The following ABCC1 variants were observed in gnomAD, a reference collection of about 807,000 sequenced individuals.
The protein encoded by ABCC1 is ATP binding cassette subfamily C member 1 (ABCC1 blood group).
A neutral mutation model predicts 172.9 loss-of-function variants in ABCC1; 83 were observed. That is an observed-to-expected ratio of 0.48 (90% confidence interval 0.40 to 0.58). The LOEUF is 0.58. ABCC1 is among the 20% of genes least tolerant of loss of function. The pLI, the probability that ABCC1 is intolerant of heterozygous loss-of-function variation, is 0.00. For missense variants in ABCC1, 1,817 were observed against 2,002.7 expected (o/e 0.91, Z 1.77); for synonymous variants, 937 against 825.2 (o/e 1.14, Z -2.32).
At chr16:16,070,450 G>A (rs1453952311) in intron 13 of ABCC1, among the ~76,000 whole-genome samples, 1 of 152,164 alleles carries the variant, frequency 6.6e-6, no homozygotes, top group Non-Finnish European at 1.5e-5. Flanking sequence ...GGATCATGAG[G>A]TCAGGAGATG....
intron 11 of ABCC1, among the ~76,000 whole-genome samples, chr16:16,054,511 A>C (rs1333583680): frequency 6.6e-6 from 1 of 152,070 alleles, no homozygotes; most frequent in East Asian, 1.9e-4. Flanking sequence ...TGGAATTTCA[A>C]ATGGGAGCAC....
In ABCC1 at chr16:16,133,561, G is replaced by A. The variant is rs147199965; in HGVS notation, c.3967-789G>A. Among the ~76,000 whole-genome samples, 4 of 152,042 alleles carry A rather than the reference G, an allele frequency of 2.6e-5. 1 individual carries two copies. Among genetic ancestry groups the A allele is most frequent in the East Asian group, 1.9e-4 (1 of 5,168 alleles). ...TGGGACTACAGGTGCATGCCACCAC[G>A]CCCAGCTAATTTTTGTAGTTTTAGT... On this transcript the variant is annotated intron_variant, in intron 27 of 30. Transcript: ENST00000399410.
chr16:16,083,581 C>T (rs763554717), intron 17 of ABCC1, 39 bp downstream of exon 17: 1 of 1,588,180 alleles, frequency 6.3e-7, no homozygotes, highest in Non-Finnish European at 8.6e-7. Flanking sequence ...AATCAGTCAG[C>T]TGTTGCCGCG....
At chr16:15,949,596 C>T (rs1358841110), upstream of ABCC1, 11 of 305,342 alleles carry the variant, frequency 3.6e-5, no homozygotes, top group Admixed American at 1.4e-4. Context: ...GTTGCGGCCC[C>T]GGCCCCGGCT....
rs764527261 is a variant in ABCC1, at chr16:16,103,579, C to CA, written c.2735+868dup. Among the ~76,000 whole-genome samples the CA allele has an allele frequency of 9.9e-5, 15 of 151,978 alleles. No individual in the cohort carries two copies. In the East Asian group the frequency reaches 2.1e-3, roughly 22 times the overall value. On this transcript the variant is annotated intron_variant, in intron 20 of 30. Coordinates refer to ENST00000399410, the MANE Select transcript of ABCC1 (RefSeq NM_004996.4). ...TGGGTGACAGAGCGAGACTCCATCTCAAAAAACAAAAACAAAACAAAACAG... is the reference window on the plus strand; with the variant it reads ...TGGGTGACAGAGCGAGACTCCATCTCAAAAAAACAAAAACAAAACAAAACAG...
At chr16:16,140,707 G>A (rs531272047) in intron 30 of ABCC1, among the ~76,000 whole-genome samples, 2 of 152,302 alleles carry the variant, frequency 1.3e-5, no homozygotes, top group African/African-American at 2.4e-5. Flanking sequence ...TTATTGGCAC[G>A]CAGCCACATC....
intron 15 of ABCC1, among the ~76,000 whole-genome samples, chr16:16,079,089 G>C (rs2050702544): frequency 6.6e-6 from 1 of 152,142 alleles, no homozygotes. Flanking sequence ...CACTGTGACA[G>C]GATCCCTCAG....
chr16:16,103,251 G>C (rs148151242), intron 20 of ABCC1, among the ~76,000 whole-genome samples: 4 of 152,104 alleles, frequency 2.6e-5, no homozygotes, highest in East Asian at 1.9e-4. Flanking sequence ...GATTTATAGC[G>C]TATGCAGTAT....
chr16:16,016,397 G>A (rs1474592605), intron 4 of ABCC1, 99 bp from the exon 5 acceptor site: 3 of 1,466,052 alleles, frequency 2.0e-6, no homozygotes, highest in Non-Finnish European at 2.8e-6. Context: ...CAGGTGTTCT[G>A]CCTGTCTCGG....
chr16:16,076,507 A>C, intron 15 of ABCC1, 106 bp downstream of exon 15: 1 of 1,116,048 alleles, frequency 9.0e-7, no homozygotes, highest in Admixed American at 3.0e-5. Context: ...ACCTTGAACA[A>C]CTCACTTTGC....
chr16:16,068,041 G>A (rs1417066931), intron 12 of ABCC1, 115 bp from the exon 13 acceptor site: 1 of 1,239,126 alleles, frequency 8.1e-7, no homozygotes, highest in African/African-American at 1.5e-5. Context: ...CCAGCAGCTG[G>A]TCAGTTGTGG....
chr16:16,049,630 C>T (rs1295710979), intron 10 of ABCC1, among the ~76,000 whole-genome samples: 2 of 152,096 alleles, frequency 1.3e-5, no homozygotes, highest in Admixed American at 1.3e-4. Context: ...AATTTTGAGT[C>T]CCAATAACTT....
At chr16:16,109,701 T>G (rs999966350) in intron 21 of ABCC1, among the ~76,000 whole-genome samples, 5 of 152,074 alleles carry the variant, frequency 3.3e-5, no homozygotes, top group African/African-American at 1.2e-4. Context: ...ACTCCAACCT[T>G]CACCTCCTGG....
At position 16,056,202 on chromosome 16, in the gene ABCC1, G is replaced by A; in HGVS notation, c.1584G>A (p.Val528=). The A allele has an allele frequency of 1.2e-6, 2 of 1,614,210 alleles. No homozygotes were observed. Among genetic ancestry groups the A allele is most frequent in the South Asian group, 1.1e-5 (1 of 91,082 alleles). Residue 528 remains valine, a synonymous_variant, in exon 12 of 31, where the codon GTG becomes GTA. Transcript: ENST00000399410. ...GGGAGCTGGCATTCAAGGACAAGGT[G>A]CTGGCCATCAGGCAGGAGGAGCTGA... ...YAWELAFKDK[V]LAIRQEELKV...
chr16:16,126,042 C>T, intron 26 of ABCC1, 131 bp downstream of exon 26: 2 of 572,766 alleles, frequency 3.5e-6, no homozygotes, highest in Non-Finnish European at 3.0e-6. Context: ...CATCTTAACG[C>T]TTGTCCAGTC....
At chr16:15,973,702 G>A (rs892261437) in intron 1 of ABCC1, among the ~76,000 whole-genome samples, 9 of 152,072 alleles carry the variant, frequency 5.9e-5, no homozygotes, top group African/African-American at 1.7e-4. Flanking sequence ...TGAGCTGGGC[G>A]TGGTGACTCA....
chr16:16,002,602 A>G (rs1404535223), intron 1 of ABCC1, among the ~76,000 whole-genome samples: 2 of 152,038 alleles, frequency 1.3e-5, no homozygotes, highest in Non-Finnish European at 2.9e-5. Flanking sequence ...GCAAAACCCC[A>G]TTTCTACTAA....
intron 22 of ABCC1, among the ~76,000 whole-genome samples, chr16:16,114,396 G>A (rs910294341): frequency 1.3e-5 from 2 of 151,656 alleles, no homozygotes; most frequent in Non-Finnish European, 2.9e-5. Flanking sequence ...TTGGAGTGGA[G>A]TGGACGCAGT....
intron 1 of ABCC1, among the ~76,000 whole-genome samples, chr16:15,979,799 G>A (rs215052): frequency 0.85 from 129,131 of 152,078 alleles, 55,085 homozygotes; most frequent in African/African-American, 0.91. Context: ...TTATCACCCT[G>A]CTTACTTGTT....
Sources: allele counts gnomAD v4.1 joint callset (sites outside exome capture counted in the v4.1 genomes callset), GRCh38; gene constraint gnomAD v4.1.1; transcripts MANE v1.5; gene names NCBI Gene and HGNC (gene_info 2026-07-23, HGNC 2026-07-21).